The following METTL15 variants were observed in gnomAD, a reference collection of about 807,000 sequenced individuals.
The protein encoded by METTL15 is 12S rRNA N(4)-cytidine methyltransferase METTL15.
Under a neutral mutation model 38.3 loss-of-function variants are expected in METTL15, and 34 were observed. That is an observed-to-expected ratio of 0.89 (90% confidence interval 0.68 to 1.18). The LOEUF (loss-of-function observed/expected upper bound fraction) is 1.18, where lower values mean the gene tolerates loss of function less well. METTL15 is among the 50% of genes most tolerant of loss of function. The pLI, the probability that METTL15 is intolerant of heterozygous loss-of-function variation, is 0.00. For missense variants in METTL15, 438 were observed against 498.4 expected (o/e 0.88, Z 1.15); for synonymous variants, 162 against 170.9 (o/e 0.95, Z 0.41).
At chr11:28,396,869 C>G (rs540897168) in intron 5 of METTL15, among the ~76,000 whole-genome samples, 58 of 152,290 alleles carry the variant, frequency 3.8e-4, no homozygotes, top group Admixed American at 1.6e-3. Context: ...ACCAAAACAG[C>G]ATGGTACTGG....
At chr11:28,234,514 G>GTAT (rs1425037308) in intron 4 of METTL15, among the ~76,000 whole-genome samples, 2 of 151,004 alleles carry the variant, frequency 1.3e-5, no homozygotes, top group Non-Finnish European at 3.0e-5. Flanking sequence ...GTGTGAGATG[G>GTAT]TATCTCATTG....
chr11:28,328,923 T>C (rs1345611806), intron 6 of METTL15, among the ~76,000 whole-genome samples: 2 of 152,142 alleles, frequency 1.3e-5, no homozygotes, highest in Non-Finnish European at 2.9e-5. Context: ...CTTTCATTTC[T>C]TGATGGTGTT....
chr11:28,484,755 G>A (rs1042021842), intron 6 of METTL15, among the ~76,000 whole-genome samples: 7 of 152,072 alleles, frequency 4.6e-5, no homozygotes, highest in East Asian at 3.9e-4. Flanking sequence ...GAATGCGATC[G>A]TTTTGAGTAG....
intron 6 of METTL15, among the ~76,000 whole-genome samples, chr11:28,487,520 G>A (rs1346065214): frequency 6.6e-6 from 1 of 152,056 alleles, no homozygotes; most frequent in African/African-American, 2.4e-5. Context: ...TACTTAAGTT[G>A]TTCAATGGTA....
At chr11:28,362,734 G>A (rs1252702643) in intron 5 of METTL15, among the ~76,000 whole-genome samples, 11 of 152,148 alleles carry the variant, frequency 7.2e-5, no homozygotes, top group Admixed American at 7.2e-4. Flanking sequence ...ATTCCATGGT[G>A]TATACATACC....
At chr11:28,221,349 G>A (rs569082800) in intron 4 of METTL15, among the ~76,000 whole-genome samples, 5 of 152,154 alleles carry the variant, frequency 3.3e-5, no homozygotes, top group African/African-American at 1.2e-4. Flanking sequence ...CCAGTTGATC[G>A]AATCGGCTAC....
chr11:28,517,756 C>T lies in METTL15; in HGVS notation c.*425-8722C>T, dbSNP rs760172452. Among the ~76,000 whole-genome samples, 8 of 152,316 alleles carry T rather than the reference C, an allele frequency of 5.3e-5. No individual in the cohort carries two copies. In the South Asian group the frequency reaches 1.2e-3, roughly 24 times the overall value. On this transcript the variant is annotated intron_variant and NMD_transcript_variant, in intron 6 of 7. Coordinates refer to the METTL15 transcript ENST00000532947. ...AAAGGCGAAACAAAACAGCCCGCCA[C>T]GGTTACTGACAATGATGTGTGTGGG...
At chr11:28,209,767 A>G (rs533883388) in intron 3 of METTL15, among the ~76,000 whole-genome samples, 2 of 152,106 alleles carry the variant, frequency 1.3e-5, no homozygotes, top group East Asian at 3.9e-4. Context: ...CCAATTTCTG[A>G]CCACTGTCCC....
chr11:28,330,379 T>C lies in METTL15; in HGVS notation c.779-17T>C. On this transcript the variant is annotated splice_polypyrimidine_tract_variant and intron_variant, in intron 6 of 6. Transcript: ENST00000407364. ...GTTACCGGTCTTCTTTTCCTATCTT[T>C]ACAACATTTGTTTTAGGAGCATTTC... 1 of 1,522,048 alleles carries C rather than the reference T, an allele frequency of 6.6e-7. No homozygotes were observed. Among genetic ancestry groups the C allele is most frequent in the Non-Finnish European group, 8.8e-7 (1 of 1,133,890 alleles). 94.3% of individuals were successfully genotyped at this position (1,522,048 alleles called of 1,614,324 possible).
chr11:28,260,884 G>A (rs560507829), intron 4 of METTL15, among the ~76,000 whole-genome samples: 9 of 152,276 alleles, frequency 5.9e-5, no homozygotes, highest in South Asian at 4.1e-4. Context: ...AGGCTGTAGG[G>A]TAGGAATGGC....
At chr11:28,391,323 T>G (rs1426697898) in intron 5 of METTL15, among the ~76,000 whole-genome samples, 1 of 152,128 alleles carries the variant, frequency 6.6e-6, no homozygotes, top group African/African-American at 2.4e-5. Flanking sequence ...TCAAAGGGAA[T>G]GCTTCCAGTT....
At chr11:28,490,240 A>T (rs1411752307) in intron 6 of METTL15, among the ~76,000 whole-genome samples, 2 of 152,156 alleles carry the variant, frequency 1.3e-5, no homozygotes, top group Non-Finnish European at 2.9e-5. Context: ...ATTGCCAGGG[A>T]TGGTGGTAGA....
chr11:28,473,634 C>T (rs538530574), intron 6 of METTL15, among the ~76,000 whole-genome samples: 3 of 152,148 alleles, frequency 2.0e-5, no homozygotes, highest in East Asian at 3.9e-4. Flanking sequence ...TTTGGAGCAG[C>T]AACTATGGGC....
chr11:28,258,840 A>C (rs960409096), intron 4 of METTL15, among the ~76,000 whole-genome samples: 9 of 152,078 alleles, frequency 5.9e-5, no homozygotes, highest in Admixed American at 2.6e-4. Context: ...AAAATGTGGG[A>C]CCTTAAGAGC....
chr11:28,360,529 A>C (rs1454786384), intron 4 of METTL15, among the ~76,000 whole-genome samples: 2 of 152,120 alleles, frequency 1.3e-5, no homozygotes, highest in Non-Finnish European at 2.9e-5. Context: ...AGAGAAACAG[A>C]ATTAGTCAGA....
At chr11:28,428,929 T>A (rs1363136208) in intron 6 of METTL15, among the ~76,000 whole-genome samples, 1 of 152,214 alleles carries the variant, frequency 6.6e-6, no homozygotes, top group Non-Finnish European at 1.5e-5. Flanking sequence ...GGAGCCATGC[T>A]AATTCTCTGG....
intron 3 of METTL15, among the ~76,000 whole-genome samples, chr11:28,156,043 T>C (rs1334436260): frequency 1.3e-5 from 2 of 152,176 alleles, no homozygotes; most frequent in African/African-American, 4.8e-5. Flanking sequence ...TAAATGTAAA[T>C]TTCTTCTTTA....
At chr11:28,348,073 T>C (rs1472623098) in intron 3 of METTL15, among the ~76,000 whole-genome samples, 1 of 152,194 alleles carries the variant, frequency 6.6e-6, no homozygotes, top group East Asian at 1.9e-4. Flanking sequence ...ATGTGTCCCA[T>C]TACTGATGGT....
intron 5 of METTL15, among the ~76,000 whole-genome samples, chr11:28,409,071 A>G (rs1487806506): frequency 6.6e-6 from 1 of 152,102 alleles, no homozygotes; most frequent in Non-Finnish European, 1.5e-5. Flanking sequence ...AGGCCACAAA[A>G]CAATTTTTAT....
Sources: gnomAD v4.1 joint callset for allele counts (sites outside exome capture counted in the v4.1 genomes callset) on GRCh38, gnomAD v4.1.1 for gene constraint, MANE v1.5 for transcripts, NCBI Gene and HGNC (gene_info 2026-07-23, HGNC 2026-07-21) for gene names.